OR10K1: variants seen among roughly 807,000 people sequenced by gnomAD.
OR10K1 encodes the protein olfactory receptor 10K1.
For synonymous variants in OR10K1, 186 were observed against 152.5 expected, an observed-to-expected ratio of 1.22 and a Z score of -1.62; for missense variants, 404 against 373.3, an observed-to-expected ratio of 1.08 and a Z score of -0.68.
Position 158,466,054 on chromosome 1 carries a change from C to T in OR10K1, c.493C>T (p.His165Tyr). The T allele has an allele frequency of 6.2e-7, 1 of 1,614,132 alleles. No homozygotes were observed. Among genetic ancestry groups the T allele is most frequent in the Non-Finnish European group, 8.5e-7 (1 of 1,180,022 alleles). Reference sequence around the variant, plus strand: ...CCTGGTCACCACCTCCCTAGTATTTCATCTGCCCTTCCACTCCTCCAACCA... The same window carrying T: ...CCTGGTCACCACCTCCCTAGTATTTTATCTGCCCTTCCACTCCTCCAACCA... ...VSLVTTSLVFHLPFHSSNQLH... is the reference protein window; with the variant it reads ...VSLVTTSLVFYLPFHSSNQLH... The change falls in exon 2 of 2, where the codon CAT (histidine) becomes TAT (tyrosine). Residue 165 changes from histidine to tyrosine, a missense_variant. By Grantham distance (83) the His-to-Tyr change is moderately conservative. Transcript: ENST00000641535.
chr1:158,465,077 G>C (rs1656005586), intron 1 of OR10K1, among the ~76,000 whole-genome samples: 1 of 152,172 alleles, frequency 6.6e-6, no homozygotes, highest in Admixed American at 6.5e-5. Context: ...TCTTTACTTA[G>C]AGACCATGGA....
At chr1:158,464,266 A>G in intron 1 of OR10K1, among the ~76,000 whole-genome samples, 1 of 152,196 alleles carries the variant, frequency 6.6e-6, no homozygotes, top group East Asian at 1.9e-4. Flanking sequence ...TCCAGTGAAA[A>G]AAATTAGGCC....
intron 1 of OR10K1, 93 bp downstream of exon 1, chr1:158,461,997 T>C (rs1010084860): frequency 1.3e-5 from 2 of 152,112 alleles, no homozygotes; most frequent in African/African-American, 4.8e-5. Flanking sequence ...TCTCAGAATT[T>C]GGCTGGGTGT....
Position 158,465,903 on chromosome 1 carries a change from G to A in OR10K1, c.342G>A (p.Leu114=), listed in dbSNP as rs1443183806. The change falls in exon 2 of 2, where the codon CTG becomes CTA. Residue 114 remains leucine, a synonymous_variant. Transcript: ENST00000641535. ...FLFFGSSHSF[L]LAAMGYDRYM... Reference sequence around the variant, plus strand: ...TCTTTGGCTCCTCTCACTCCTTCCTGCTGGCAGCCATGGGCTATGATCGCT... The same window carrying A: ...TCTTTGGCTCCTCTCACTCCTTCCTACTGGCAGCCATGGGCTATGATCGCT... The A allele has an allele frequency of 6.2e-7, 1 of 1,614,008 alleles. No individual in the cohort carries two copies. The highest frequency in any genetic ancestry group is 1.3e-5 in the African/African-American group (1 of 74,886).
At position 158,466,436 on chromosome 1, in the gene OR10K1, T is replaced by C. The variant is rs775699276; in HGVS notation, c.875T>C (p.Leu292Pro). The change falls in exon 2 of 2, where the codon CTG becomes CCG. Residue 292 changes from leucine to proline, a missense_variant. Coordinates refer to ENST00000641535, the MANE Select transcript of OR10K1 (RefSeq NM_001004473.2). ...TPLFNPMIYS[L>P]RNKEFKSALR... ...TTGTTCAATCCAATGATTTATAGTC[T>C]GAGAAATAAGGAATTCAAATCAGCC... 4 of 1,614,070 alleles carry C rather than the reference T, an allele frequency of 2.5e-6. No individual in the cohort carries two copies. The Admixed American group carries it at 6.7e-5, about 27-fold the overall frequency.
Position 158,465,532 on chromosome 1 carries a change from C to T in OR10K1, c.-30C>T, listed in dbSNP as rs1445330984. 16 of 1,563,296 alleles carry T rather than the reference C, an allele frequency of 1.0e-5. No individual in the cohort carries two copies. In the Admixed American group the frequency reaches 2.2e-4, roughly 22 times the overall value. On this transcript the variant is annotated 5_prime_UTR_variant, in exon 2 of 2. Coordinates refer to ENST00000641535, the MANE Select transcript of OR10K1 (RefSeq NM_001004473.2). ...TCTGGATCCTGGTTTCTACCTCTGT[C>T]CCTGACTCTCCTTTATAGAAGTGCT...
Position 158,465,785 on chromosome 1 carries a change from T to A in OR10K1, c.224T>A (p.Phe75Tyr). Residue 75 changes from phenylalanine (F) to tyrosine (Y), a missense_variant, in exon 2 of 2, where the codon TTT becomes TAT. Physicochemically the swap from Phe to Tyr is conservative, Grantham distance 22. Transcript: ENST00000641535. Reference sequence around the variant, plus strand: ...TCTTGCTCTGAGATTTGCTATACCTTTGTCATTGTACCCAAGATGCTGGTT... The same window carrying A: ...TCTTGCTCTGAGATTTGCTATACCTATGTCATTGTACCCAAGATGCTGGTT... ...ILSCSEICYT[F>Y]VIVPKMLVDL... is the part of the protein sequence containing the mutation. 1.2e-6 allele frequency: 2 copies of A among 1,614,222 alleles called. No individual in the cohort carries two copies. The highest frequency in any genetic ancestry group is 1.7e-6 in the Non-Finnish European group (2 of 1,180,040).
In OR10K1 at chr1:158,466,720, T is replaced by C; in HGVS notation, c.*217T>C. The C allele has an allele frequency of 3.7e-6, 2 of 534,792 alleles. No individual in the cohort carries two copies. Among genetic ancestry groups the C allele is most frequent in the Non-Finnish European group, 6.6e-6 (2 of 305,170 alleles). The allele number at this position is 534,792 out of a possible 1,614,324, so 33.1% of individuals were successfully genotyped here. Reference sequence around the variant, plus strand: ...TATGGGAACAGAGCACACAGTTCCATAACAAATTTAATTATATTTTACTGC... The same window carrying C: ...TATGGGAACAGAGCACACAGTTCCACAACAAATTTAATTATATTTTACTGC... On this transcript the variant is annotated 3_prime_UTR_variant, in exon 2 of 2. Transcript: ENST00000641535.
At chr1:158,464,080 T>C (rs1178668669) in intron 1 of OR10K1, among the ~76,000 whole-genome samples, 2 of 151,962 alleles carry the variant, frequency 1.3e-5, no homozygotes, top group African/African-American at 4.8e-5. Flanking sequence ...AATAGAAAAA[T>C]GGAAAAGTAA....
Position 158,465,934 on chromosome 1 carries a change from G to A in OR10K1, c.373G>A (p.Ala125Thr). 6.2e-7 allele frequency: 1 copy of A among 1,614,054 alleles called. No homozygotes were observed. The highest frequency in any genetic ancestry group is 8.5e-7 in the Non-Finnish European group (1 of 1,180,010). ...AGCCATGGGCTATGATCGCTATATG[G>A]CCATCTGTAACCCACTGCGCTACTC... ...LAAMGYDRYM[A>T]ICNPLRYSVL... The change falls in exon 2 of 2, where the codon GCC becomes ACC. Residue 125 changes from alanine to threonine, a missense_variant. Ala to Thr is a moderately conservative substitution (Grantham distance 58, BLOSUM62 0). Transcript: ENST00000641535.
At chr1:158,463,116 C>T (rs907278802) in intron 1 of OR10K1, among the ~76,000 whole-genome samples, 1 of 132,034 alleles carries the variant, frequency 7.6e-6, no homozygotes, top group Non-Finnish European at 1.7e-5. Context: ...TTATGCTATC[C>T]CTTTAATTAA....
chr1:158,466,588 C>A lies in OR10K1; in HGVS notation c.*85C>A. The A allele has an allele frequency of 1.2e-6, 1 of 825,752 alleles. No individual in the cohort carries two copies. Among genetic ancestry groups the A allele is most frequent in the South Asian group, 1.6e-5 (1 of 61,040 alleles). The allele number at this position is 825,752 out of a possible 1,614,324, so 51.2% of individuals were successfully genotyped here. A position where few individuals can be genotyped will look rare whatever the true frequency, so the allele number is the denominator to read the frequency against. The stretch of plus-strand genomic sequence containing the variant: ...CATTTTTTTTCATTTAATTGTCCAG[C>A]TCCACTGTAACATAAGAACATTTTA... On this transcript the variant is annotated 3_prime_UTR_variant, in exon 2 of 2. Transcript: ENST00000641535.
chr1:158,465,510 G>T lies in OR10K1; in HGVS notation c.-52G>T. On this transcript the variant is annotated 5_prime_UTR_variant, in exon 2 of 2. Coordinates refer to ENST00000641535, the MANE Select transcript of OR10K1 (RefSeq NM_001004473.2). ...CCCGTACATTTCCACTCTCCTTTCTGGATCCTGGTTTCTACCTCTGTCCCT... is the reference window on the plus strand; with the variant it reads ...CCCGTACATTTCCACTCTCCTTTCTTGATCCTGGTTTCTACCTCTGTCCCT... The T allele has an allele frequency of 7.1e-7, 1 of 1,414,866 alleles. No individual in the cohort carries two copies. The highest frequency in any genetic ancestry group is 2.3e-5 in the East Asian group (1 of 43,466). The allele number at this position is 1,414,866 out of a possible 1,614,324, so 87.6% of individuals were successfully genotyped here.
rs1393545819 is a variant in OR10K1 at position 158,466,734 on chromosome 1, A to C, written c.*231A>C. The C allele has an allele frequency of 2.0e-6, 1 of 511,294 alleles. No homozygotes were observed. Among genetic ancestry groups the C allele is most frequent in the Non-Finnish European group, 3.4e-6 (1 of 291,406 alleles). The allele number at this position is 511,294 out of a possible 1,614,324, so 31.7% of individuals were successfully genotyped here. On this transcript the variant is annotated 3_prime_UTR_variant, in exon 2 of 2. Transcript: ENST00000641535. ...ACACAGTTCCATAACAAATTTAATT[A>C]TATTTTACTGCTTTAAATATTGCTA...
rs5778077 is a variant in OR10K1, at chr1:158,463,124, TA to T, written c.-157+1230del. The stretch of plus-strand genomic sequence containing the variant: ...TTACTGTTTATGCTATCCCTTTAAT[TA>T]AAAAAAAAACTAAATATTGAAGGTA... On this transcript the variant is annotated intron_variant, in intron 1 of 1. Transcript: ENST00000641535. 4.9e-4 allele frequency among the ~76,000 whole-genome samples: 73 copies of T among 150,030 alleles called. 1 individual carries two copies. The highest frequency in any genetic ancestry group is 3.4e-3 in the Middle Eastern group (1 of 292).
chr1:158,465,532 C>A lies in OR10K1; in HGVS notation c.-30C>A. On this transcript the variant is annotated 5_prime_UTR_variant, in exon 2 of 2. Transcript: ENST00000641535. ...TCTGGATCCTGGTTTCTACCTCTGT[C>A]CCTGACTCTCCTTTATAGAAGTGCT... The A allele has an allele frequency of 1.3e-6, 2 of 1,563,414 alleles. No individual in the cohort carries two copies. Among genetic ancestry groups the A allele is most frequent in the Non-Finnish European group, 1.8e-6 (2 of 1,138,394 alleles).
Position 158,466,254 on chromosome 1 carries a change from C to T in OR10K1, c.693C>T (p.Ser231=), listed in dbSNP as rs763300748. 2.4e-5 allele frequency: 38 copies of T among 1,614,008 alleles called. No individual in the cohort carries two copies. Among genetic ancestry groups the T allele is most frequent in the African/African-American group, 9.3e-5 (7 of 74,920 alleles). Residue 231 remains serine, a synonymous_variant, in exon 2 of 2, where the codon TCC becomes TCT. Transcript: ENST00000641535. The part of the protein sequence containing the change: ...IISAILKIPS[S]VGRYKTFSTC... ...CTGCCATTCTAAAAATCCCTTCCTCCGTTGGAAGATACAAGACCTTCTCCA... is the reference window on the plus strand; with the variant it reads ...CTGCCATTCTAAAAATCCCTTCCTCTGTTGGAAGATACAAGACCTTCTCCA...
At position 158,465,535 on chromosome 1, in the gene OR10K1, TGACTCTCCTTTATAGAAG is replaced by T. The variant is rs769347292; in HGVS notation, c.-26_-9del. The T allele has an allele frequency of 1.1e-5, 18 of 1,578,206 alleles. No individual in the cohort carries two copies. In the African/African-American group the frequency reaches 2.0e-4, roughly 18 times the overall value. Reference sequence around the variant, plus strand: ...GGATCCTGGTTTCTACCTCTGTCCCTGACTCTCCTTTATAGAAGTGCTCTCCATGGAGCAAGTCAATAA... The same window carrying T: ...GGATCCTGGTTTCTACCTCTGTCCCTTGCTCTCCATGGAGCAAGTCAATAA... On this transcript the variant is annotated 5_prime_UTR_variant, in exon 2 of 2. An upstream open reading frame in the 5' UTR loses its in-frame stop. Coordinates refer to ENST00000641535, the MANE Select transcript of OR10K1 (RefSeq NM_001004473.2).
chr1:158,464,389 G>A (rs748187696), intron 1 of OR10K1, among the ~76,000 whole-genome samples: 3 of 152,118 alleles, frequency 2.0e-5, no homozygotes, highest in Non-Finnish European at 4.4e-5. Flanking sequence ...CAAAGCCTAT[G>A]GTTTACAGCA....
Sources: gnomAD v4.1 joint callset for allele counts (sites outside exome capture counted in the v4.1 genomes callset) on GRCh38, gnomAD v4.1.1 for gene constraint, MANE v1.5 for transcripts, NCBI Gene and HGNC (gene_info 2026-07-23, HGNC 2026-07-21) for gene names.